Variants in PCSK6 observed in about 807,000 individuals in gnomAD.
PCSK6 encodes the protein paired basic amino acid cleaving enzyme 4.
PCSK6 carries 85 observed loss-of-function variants against 123.3 expected under a neutral mutation model. That is an observed-to-expected ratio of 0.69 (90% confidence interval 0.58 to 0.83). The LOEUF (loss-of-function observed/expected upper bound fraction) is 0.83, where lower values mean the gene tolerates loss of function less well. PCSK6 is among the 40% of genes least tolerant of loss of function. PCSK6 has a pLI of 0.00. For missense variants in PCSK6, 1,191 were observed against 1,282.3 expected (o/e 0.93, Z 1.09); for synonymous variants, 508 against 516.0 (o/e 0.98, Z 0.21).
chr15:101,339,709 C>G (rs2040556093), intron 13 of PCSK6, among the ~76,000 whole-genome samples: 1 of 152,034 alleles, frequency 6.6e-6, no homozygotes, highest in Non-Finnish European at 1.5e-5. Flanking sequence ...GAGTTCGAGA[C>G]CAGCCTGGCA....
chr15:101,470,311 A>G (rs2057574143), intron 1 of PCSK6, among the ~76,000 whole-genome samples: 1 of 152,230 alleles, frequency 6.6e-6, no homozygotes, highest in Admixed American at 6.5e-5. Flanking sequence ...TAATTAGTGT[A>G]ATATCTGTAT....
At chr15:101,347,843 G>C in intron 13 of PCSK6, 2 of 1,316,726 alleles carry the variant, frequency 1.5e-6, no homozygotes, top group South Asian at 2.4e-5. Context: ...CAATCCCAGG[G>C]CAACAGGAGT....
At chr15:101,375,731 C>T (rs2041717784) in intron 11 of PCSK6, among the ~76,000 whole-genome samples, 1 of 152,134 alleles carries the variant, frequency 6.6e-6, no homozygotes, top group Non-Finnish European at 1.5e-5. Flanking sequence ...AGCTCTCATG[C>T]CATAAATAAG....
At chr15:101,363,013 G>T (rs934929807) in intron 13 of PCSK6, among the ~76,000 whole-genome samples, 8 of 152,242 alleles carry the variant, frequency 5.3e-5, no homozygotes, top group African/African-American at 1.9e-4. Context: ...AGTGGGCTGG[G>T]AGTGAGCCAG....
chr15:101,358,189 G>A (rs1304017692), intron 13 of PCSK6, among the ~76,000 whole-genome samples: 2 of 152,204 alleles, frequency 1.3e-5, no homozygotes, highest in African/African-American at 2.4e-5. Context: ...GGGGGTAGGC[G>A]GAGTAAGGCA....
chr15:101,424,045 G>A (rs1238684387), intron 6 of PCSK6, among the ~76,000 whole-genome samples: 1 of 152,238 alleles, frequency 6.6e-6, no homozygotes, highest in South Asian at 2.1e-4. Context: ...CAACACAGCA[G>A]TATCTCATCC....
In PCSK6 at chr15:101,318,991, T is replaced by C. The variant is rs76896638; in HGVS notation, c.2466-569A>G. ...CTACCTTCCTCTTTCGCCCCATTTG[T>C]GCCCTCACTTCACTCCAGCCAGCCG... On this transcript the variant is annotated intron_variant, in intron 18 of 21. Coordinates refer to ENST00000611716, the MANE Select transcript of PCSK6 (RefSeq NM_002570.5). Among the ~76,000 whole-genome samples the C allele has an allele frequency of 8.6e-3, 1,314 of 152,352 alleles. 23 individuals carry two copies. The highest frequency in any genetic ancestry group is 0.03 in the African/African-American group (1,240 of 41,584).
At chr15:101,420,651 C>T (rs1382681846) in intron 6 of PCSK6, among the ~76,000 whole-genome samples, 1 of 152,192 alleles carries the variant, frequency 6.6e-6, no homozygotes, top group Non-Finnish European at 1.5e-5. Context: ...GTGTGAACCA[C>T]TATGCCCAGC....
chr15:101,487,533 G>A (rs532365744), intron 1 of PCSK6, among the ~76,000 whole-genome samples: 2 of 152,332 alleles, frequency 1.3e-5, no homozygotes, highest in South Asian at 2.1e-4. Context: ...AGAAATTTCC[G>A]GGGAGAGTTA....
intron 11 of PCSK6, among the ~76,000 whole-genome samples, chr15:101,377,125 C>T (rs2041769738): frequency 6.6e-6 from 1 of 152,274 alleles, no homozygotes; most frequent in African/African-American, 2.4e-5. Flanking sequence ...CACGGCACTC[C>T]ACCAGGCCGC....
chr15:101,320,520 G>GT (rs2040096027), intron 18 of PCSK6, among the ~76,000 whole-genome samples: 3 of 152,306 alleles, frequency 2.0e-5, no homozygotes, highest in South Asian at 2.1e-4. Flanking sequence ...GAAAACACTG[G>GT]TTTTTCCTAT....
intron 13 of PCSK6, among the ~76,000 whole-genome samples, chr15:101,355,664 C>G (rs1468464536): frequency 6.6e-6 from 1 of 152,238 alleles, no homozygotes; most frequent in Non-Finnish European, 1.5e-5. Context: ...CATGCAGATG[C>G]CCCTTAGTGC....
At position 101,323,714 on chromosome 15, in the gene PCSK6, C is replaced by T. The variant is rs546173983; in HGVS notation, c.2378-1107G>A. ...TGCCACTGCACTCCAGCCTGGGAGACAGTGAGACTCCATCTCGAAAAAAAA... is the reference window on the plus strand; with the variant it reads ...TGCCACTGCACTCCAGCCTGGGAGATAGTGAGACTCCATCTCGAAAAAAAA... On this transcript the variant is annotated intron_variant, in intron 17 of 21. Coordinates refer to ENST00000611716, the MANE Select transcript of PCSK6 (RefSeq NM_002570.5). Among the ~76,000 whole-genome samples, 96 of 138,136 alleles carry T rather than the reference C, an allele frequency of 6.9e-4. 1 individual carries two copies. In the South Asian group the frequency reaches 0.021, roughly 30 times the overall value. 90.6% of individuals were successfully genotyped at this position (138,136 alleles called of 152,430 possible).
At chr15:101,448,697 T>C (rs557832863) in intron 1 of PCSK6, among the ~76,000 whole-genome samples, 7 of 152,360 alleles carry the variant, frequency 4.6e-5, no homozygotes, top group Non-Finnish European at 7.3e-5. Context: ...CTGTTCAAGA[T>C]TCATTTAGTC....
intron 1 of PCSK6, among the ~76,000 whole-genome samples, chr15:101,484,015 G>A (rs1237677583): frequency 6.6e-6 from 1 of 152,090 alleles, no homozygotes; most frequent in Non-Finnish European, 1.5e-5. Context: ...CTGTGTATAT[G>A]TCTATGTATA....
rs755296516 is a variant in PCSK6 at position 101,313,507 on chromosome 15, TGA to T, written c.2570-4_2570-3del. 2.9e-5 allele frequency: 46 copies of T among 1,592,892 alleles called. No homozygotes were observed. In the South Asian group the frequency reaches 5.1e-4, roughly 18 times the overall value. On this transcript the variant is annotated splice_region_variant and splice_polypyrimidine_tract_variant and intron_variant, in intron 19 of 21. Coordinates refer to ENST00000611716, the MANE Select transcript of PCSK6 (RefSeq NM_002570.5). ...GAATGCACTCTTCTCTGCCTGGCCC[TGA>T]GAGACACAGGAAAAGAAGCAGGTAT...
intron 6 of PCSK6, among the ~76,000 whole-genome samples, chr15:101,411,860 GC>G (rs1293345617): frequency 6.6e-6 from 1 of 152,162 alleles, no homozygotes; most frequent in African/African-American, 2.4e-5. Flanking sequence ...CTCAAAAGGG[GC>G]CCACTTGCAT....
intron 1 of PCSK6, among the ~76,000 whole-genome samples, chr15:101,444,083 T>G (rs1380201042): frequency 6.6e-6 from 1 of 152,080 alleles, no homozygotes; most frequent in Non-Finnish European, 1.5e-5. Context: ...ACCCCATGGG[T>G]AAACTGAAAT....
intron 13 of PCSK6, among the ~76,000 whole-genome samples, chr15:101,338,515 G>C (rs977711963): frequency 6.6e-6 from 1 of 152,152 alleles, no homozygotes; most frequent in Non-Finnish European, 1.5e-5. Flanking sequence ...TGTGTCCAGG[G>C]ACAACCCAGG....
Sources: allele counts gnomAD v4.1 joint callset (sites outside exome capture counted in the v4.1 genomes callset), GRCh38; gene constraint gnomAD v4.1.1; transcripts MANE v1.5; gene names NCBI Gene and HGNC (gene_info 2026-07-23, HGNC 2026-07-21).